The following PLCXD3 variants were observed in gnomAD, a reference collection of about 807,000 sequenced individuals.
The protein encoded by PLCXD3 is phosphatidylinositol specific phospholipase C X domain containing 3.
A neutral mutation model predicts 25.5 loss-of-function variants in PLCXD3; 19 were observed. The observed-to-expected ratio is 0.75, with a 90% CI of 0.52 to 1.09. PLCXD3 has a LOEUF of 1.09. PLCXD3 is among the 50% of genes least tolerant of loss of function. The probability of loss-of-function intolerance (pLI) is 0.00; values close to 1 mark genes in which losing one functional copy is unlikely to be tolerated. For missense variants in PLCXD3, 411 were observed against 388.1 expected (o/e 1.06, Z -0.50); for synonymous variants, 174 against 137.6 (o/e 1.26, Z -1.85).
At chr5:41,462,163 G>A (rs1478595111) in intron 1 of PLCXD3, among the ~76,000 whole-genome samples, 2 of 151,990 alleles carry the variant, frequency 1.3e-5, no homozygotes, top group African/African-American at 2.4e-5. Context: ...ACATCATATA[G>A]TTGCATATAG....
intron 2 of PLCXD3, among the ~76,000 whole-genome samples, chr5:41,373,850 A>G (rs1745198774): frequency 6.6e-6 from 1 of 152,076 alleles, no homozygotes. Flanking sequence ...GTAACAAATA[A>G]TTTCTCACCA....
intron 1 of PLCXD3, among the ~76,000 whole-genome samples, chr5:41,438,860 A>T (rs1419174108): frequency 1.3e-5 from 2 of 152,230 alleles, no homozygotes; most frequent in Admixed American, 6.5e-5. Context: ...GAGCATAAAA[A>T]AGCTAAGCGA....
intron 1 of PLCXD3, among the ~76,000 whole-genome samples, chr5:41,401,672 G>A (rs373542069): frequency 3.3e-5 from 5 of 152,088 alleles, no homozygotes; most frequent in African/African-American, 9.6e-5. Flanking sequence ...TTTTCTAAAA[G>A]AGTTTGTGTA....
chr5:41,478,025 A>G (rs778098574), intron 1 of PLCXD3, among the ~76,000 whole-genome samples: 36 of 152,230 alleles, frequency 2.4e-4, no homozygotes, highest in Non-Finnish European at 1.0e-4. Flanking sequence ...GCTTAGGGAC[A>G]TAGAAAATGC....
At chr5:41,479,370 G>A (rs79056308) in intron 1 of PLCXD3, among the ~76,000 whole-genome samples, 1,644 of 152,172 alleles carry the variant, frequency 0.011, 38 homozygotes, top group African/African-American at 0.038. Context: ...TTGGTATAGA[G>A]TTTTAGTTGA....
intron 1 of PLCXD3, among the ~76,000 whole-genome samples, chr5:41,499,210 C>T (rs1323417836): frequency 6.6e-6 from 1 of 151,190 alleles, no homozygotes; most frequent in East Asian, 1.9e-4. Context: ...AAGGAAGTAG[C>T]AAAATTATCT....
At chr5:41,417,878 A>C (rs1013812427) in intron 1 of PLCXD3, among the ~76,000 whole-genome samples, 1 of 152,234 alleles carries the variant, frequency 6.6e-6, no homozygotes, top group Admixed American at 6.5e-5. Flanking sequence ...CTGACTGAGC[A>C]GGTTGTTGGA....
chr5:41,374,226 A>G (rs1267311478), intron 2 of PLCXD3, among the ~76,000 whole-genome samples: 1 of 152,146 alleles, frequency 6.6e-6, no homozygotes. Context: ...TCTGTTAAGA[A>G]TGAAACACTT....
intron 1 of PLCXD3, among the ~76,000 whole-genome samples, chr5:41,453,911 T>C (rs989102028): frequency 6.6e-6 from 1 of 152,002 alleles, no homozygotes; most frequent in Non-Finnish European, 1.5e-5. Flanking sequence ...TCCAAAATAA[T>C]GGCCATGACT....
In PLCXD3 at chr5:41,357,228, G is replaced by A. The variant is rs538010923; in HGVS notation, c.812+24598C>T. Among the ~76,000 whole-genome samples, 37 of 152,272 alleles carry A rather than the reference G, an allele frequency of 2.4e-4. 1 individual carries two copies. The highest frequency in any genetic ancestry group is 2.3e-3 in the Admixed American group (35 of 15,290). On this transcript the variant is annotated intron_variant, in intron 2 of 2. Coordinates refer to ENST00000377801, the MANE Select transcript of PLCXD3 (RefSeq NM_001005473.3). ...CTTTCAATGGCTCCCTGAAGGGTGG[G>A]TATATACACTATTCGTTAATTGTGG... is the stretch of plus-strand genomic sequence containing the variant.
At chr5:41,458,835 G>A (rs1747811436) in intron 1 of PLCXD3, among the ~76,000 whole-genome samples, 2 of 152,068 alleles carry the variant, frequency 1.3e-5, no homozygotes, top group South Asian at 4.1e-4. Context: ...AAAAGTCCTT[G>A]TGAGACCCTG....
chr5:41,463,980 C>T (rs1473382392), intron 1 of PLCXD3, among the ~76,000 whole-genome samples: 1 of 152,004 alleles, frequency 6.6e-6, no homozygotes, highest in Non-Finnish European at 1.5e-5. Context: ...AACAATTATG[C>T]TACAGGCATT....
At chr5:41,498,961 A>C (rs1204546603) in intron 1 of PLCXD3, among the ~76,000 whole-genome samples, 1 of 151,742 alleles carries the variant, frequency 6.6e-6, no homozygotes, top group African/African-American at 2.4e-5. Flanking sequence ...ACATCTTTTC[A>C]TGATAAAAAA....
intron 2 of PLCXD3, among the ~76,000 whole-genome samples, chr5:41,338,795 T>G (rs1311081760): frequency 6.6e-6 from 1 of 152,142 alleles, no homozygotes; most frequent in African/African-American, 2.4e-5. Context: ...CCATTTACTT[T>G]CCTTAGATTT....
intron 1 of PLCXD3, among the ~76,000 whole-genome samples, chr5:41,481,081 A>G (rs1748399518): frequency 6.6e-6 from 1 of 150,468 alleles, no homozygotes; most frequent in Non-Finnish European, 1.5e-5. Context: ...AGTCCTGAAG[A>G]AATAATGAAG....
chr5:41,359,993 A>G (rs1161445013), intron 2 of PLCXD3, among the ~76,000 whole-genome samples: 3 of 152,162 alleles, frequency 2.0e-5, no homozygotes, highest in Admixed American at 2.0e-4. Flanking sequence ...TTGGATGTTT[A>G]ACACAGTCAC....
In PLCXD3 at chr5:41,381,990, C is replaced by A. The variant is rs947930888; in HGVS notation, c.648G>T (p.Trp216Cys). ...GTTTCTCGGGGTCTGTGGTGTTGGC[C>A]CAGGGTGCTGGCATCATCTGCCCAG... is the stretch of plus-strand genomic sequence containing the variant. ...LWPGQMMPAP[W>C]ANTTDPEKLI... Residue 216 changes from tryptophan (W) to cysteine (C), a missense_variant, in exon 2 of 3, where the codon TGG becomes TGT. Transcript: ENST00000377801. The A allele has an allele frequency of 2.5e-6, 4 of 1,613,198 alleles. No individual in the cohort carries two copies. The highest frequency in any genetic ancestry group is 2.5e-6 in the Non-Finnish European group (3 of 1,179,676).
intron 1 of PLCXD3, among the ~76,000 whole-genome samples, chr5:41,405,959 ACT>A (rs1746339261): frequency 6.6e-6 from 1 of 152,144 alleles, no homozygotes; most frequent in African/African-American, 2.4e-5. Context: ...TTGACCGGTC[ACT>A]GTCTTGACTT....
At position 41,313,567 on chromosome 5, in the gene PLCXD3, A is replaced by G. The variant is rs1193769258; in HGVS notation, c.*50T>C. 27 of 1,605,160 alleles carry G rather than the reference A, an allele frequency of 1.7e-5. No individual in the cohort carries two copies. The highest frequency in any genetic ancestry group is 2.2e-5 in the Non-Finnish European group (26 of 1,172,410). On this transcript the variant is annotated 3_prime_UTR_variant, in exon 3 of 3. Coordinates refer to ENST00000377801, the MANE Select transcript of PLCXD3 (RefSeq NM_001005473.3). ...AGAGTGTTTACAGATAGTATGCCCT[A>G]ATACAATGAGCTTTCTCCATCTTAT...
Sources: gnomAD v4.1 joint callset for allele counts (sites outside exome capture counted in the v4.1 genomes callset) on GRCh38, gnomAD v4.1.1 for gene constraint, MANE v1.5 for transcripts, NCBI Gene and HGNC (gene_info 2026-07-23, HGNC 2026-07-21) for gene names.